The following GRIN3B variants were observed in gnomAD, a reference collection of about 807,000 sequenced individuals.
The protein encoded by GRIN3B is glutamate receptor ionotropic, NMDA 3B.
GRIN3B carries 77 observed loss-of-function variants against 66.0 expected under a neutral mutation model. The observed-to-expected ratio is 1.17, with a 90% CI of 0.97 to 1.41. The LOEUF (loss-of-function observed/expected upper bound fraction) is 1.41. GRIN3B is among the 40% of genes most tolerant of loss of function. The probability of loss-of-function intolerance (pLI) is 0.00; values close to 1 mark genes in which losing one functional copy is unlikely to be tolerated. For synonymous variants in GRIN3B, 823 were observed against 749.7 expected, an observed-to-expected ratio of 1.10 and a Z score of -1.60; for missense variants, 1,787 against 1,564.5, an observed-to-expected ratio of 1.14 and a Z score of -2.40.
chr19:1,005,575 C>T lies in GRIN3B; in HGVS notation c.2052+22C>T, dbSNP rs968833344. The stretch of plus-strand genomic sequence containing the variant: ...CAAGGTGGGCGGCCTCGGGGGGCTG[C>T]GGGTGGCCTTGGGGGGCTAGCGGTG... On this transcript the variant is annotated intron_variant, in intron 3 of 8. Transcript: ENST00000234389. This position sits in a 1 kb window ranked among gnomAD's most constrained non-coding sequence, Gnocchi z 5.2. 13 of 1,533,224 alleles carry T rather than the reference C, an allele frequency of 8.5e-6. No individual in the cohort carries two copies. Among genetic ancestry groups the T allele is most frequent in the South Asian group, 2.5e-5 (2 of 80,656 alleles). 95.0% of individuals were successfully genotyped at this position (1,533,224 alleles called of 1,614,324 possible).
rs1384870333 is a variant in GRIN3B, at chr19:1,008,868, C to T, written c.2643C>T (p.Arg881=). 5.6e-6 allele frequency: 9 copies of T among 1,609,348 alleles called. No individual in the cohort carries two copies. The highest frequency in any genetic ancestry group is 7.6e-6 in the Non-Finnish European group (9 of 1,178,238). ...YWLHTSQKIH[R]ALNTEPPEGS... ...GTCTGGGGTCTTAGAAAATCCACCG[C>T]GCCCTCAACACGGAGCCACCAGAGG... Residue 881 remains arginine (R), a synonymous_variant, in exon 8 of 9, where the codon CGC becomes CGT. Transcript: ENST00000234389.
intron 2 of GRIN3B, among the ~76,000 whole-genome samples, chr19:1,004,220 TG>T (rs2038714667): frequency 6.6e-6 from 1 of 152,214 alleles, no homozygotes; most frequent in Non-Finnish European, 1.5e-5. Flanking sequence ...GGCTGAGCCC[TG>T]GAGGAGTTCC....
chr19:1,004,701 T>C lies in GRIN3B; in HGVS notation c.1200T>C (p.Gly400=), dbSNP rs1282119515. 6.2e-7 allele frequency: 1 copy of C among 1,600,810 alleles called. No homozygotes were observed. The highest frequency in any genetic ancestry group is 8.5e-7 in the Non-Finnish European group (1 of 1,173,584). ...RDGQLDLEPG[G]ASARPPPPQG... ...GCCAGCTGGACTTGGAACCGGGAGG[T>C]GCCTCTGCACGGCCCCCGCCCCCAC... Residue 400 remains glycine, a synonymous_variant, in exon 3 of 9, where the codon GGT becomes GGC. Transcript: ENST00000234389.
Position 1,003,736 on chromosome 19 carries a change from C to G in GRIN3B, c.1019+14C>G, listed in dbSNP as rs563512337. The G allele has an allele frequency of 3.9e-5, 55 of 1,395,692 alleles. No individual in the cohort carries two copies. In the African/African-American group the frequency reaches 5.7e-4, roughly 14 times the overall value. The allele number at this position is 1,395,692 out of a possible 1,614,324, so 86.5% of individuals were successfully genotyped here. A position where few individuals can be genotyped will look rare whatever the true frequency, so the allele number is the denominator to read the frequency against. On this transcript the variant is annotated intron_variant, in intron 2 of 8. Transcript: ENST00000234389. ...CTTCTTGGCACGGTGAGTGGGGACC[C>G]TGCTTCCCTTAGGAGGGTGTCCAGG...
rs1029951428 is a variant in GRIN3B, at chr19:1,008,940, C to T, written c.2702+13C>T. ...AGGCGGAGCCCAGGTAAGTGGTGGT[C>T]GGGGCGGACCACGATGCAGGACCAC... On this transcript the variant is annotated intron_variant, in intron 8 of 8. Transcript: ENST00000234389. 2 of 1,596,904 alleles carry T rather than the reference C, an allele frequency of 1.3e-6. No individual in the cohort carries two copies. Among genetic ancestry groups the T allele is most frequent in the South Asian group, 1.1e-5 (1 of 88,828 alleles).
Position 1,000,557 on chromosome 19 carries a change from C to G in GRIN3B, c.120C>G (p.Gly40=). Residue 40 remains glycine (G), a synonymous_variant, in exon 1 of 9, where the codon GGC becomes GGG. Transcript: ENST00000234389. ...LARLGGSVRL[G]ALLPRAPLAR... is the part of the protein sequence containing the mutation. ...GCCTCGGGGGCTCCGTGCGCCTGGG[C>G]GCCCTCCTGCCCCGCGCGCCTCTCG... is the stretch of plus-strand genomic sequence containing the variant. 1 of 1,100,060 alleles carries G rather than the reference C, an allele frequency of 9.1e-7. No individual in the cohort carries two copies. Among genetic ancestry groups the G allele is most frequent in the African/African-American group, 1.7e-5 (1 of 59,740 alleles). The allele number at this position is 1,100,060 out of a possible 1,614,324, so 68.1% of individuals were successfully genotyped here. A position where few individuals can be genotyped will look rare whatever the true frequency, so the allele number is the denominator to read the frequency against.
intron 5 of GRIN3B, 70 bp downstream of exon 5, chr19:1,008,041 G>A (rs994085463): frequency 3.2e-5 from 50 of 1,583,546 alleles, no homozygotes; most frequent in East Asian, 2.3e-5. Context: ...GGGGAGCCAC[G>A]GAGGGTTCGA....
Position 1,009,357 on chromosome 19 carries a change from C to G in GRIN3B, c.2887C>G (p.Leu963Val). 1 of 1,386,610 alleles carries G rather than the reference C, an allele frequency of 7.2e-7. No individual in the cohort carries two copies. Among genetic ancestry groups the G allele is most frequent in the Non-Finnish European group, 9.3e-7 (1 of 1,079,656 alleles). 85.9% of individuals were successfully genotyped at this position (1,386,610 alleles called of 1,614,324 possible). The change falls in exon 9 of 9, where the codon CTG becomes GTG. Residue 963 changes from leucine to valine, a missense_variant. Transcript: ENST00000234389. ...EAAPREGPVW[L>V]CSYGRPPAAR... The stretch of plus-strand genomic sequence containing the variant: ...TGCGCCGCGAGAGGGCCCCGTCTGG[C>G]TGTGCTCCTACGGCCGCCCGCCCGC...
Position 1,005,310 on chromosome 19 carries a change from C to T in GRIN3B, c.1809C>T (p.Leu603=), listed in dbSNP as rs146476604. The T allele has an allele frequency of 1.5e-5, 25 of 1,613,516 alleles. No homozygotes were observed. The highest frequency in any genetic ancestry group is 1.9e-5 in the Non-Finnish European group (23 of 1,179,988). The change falls in exon 3 of 9, where the codon CTC becomes CTT. Residue 603 remains leucine, a synonymous_variant. Coordinates refer to ENST00000234389, the MANE Select transcript of GRIN3B (RefSeq NM_138690.3). This position sits in a 1 kb window ranked among gnomAD's most constrained non-coding sequence, Gnocchi z 5.2. ...TVYEWRSPYG[L]TPRGRNRSTV... is the part of the protein sequence containing the mutation. ...ACGAGTGGCGTAGCCCCTACGGCCTCACGCCACGTGGCCGCAACCGCAGCA... is the reference window on the plus strand; with the variant it reads ...ACGAGTGGCGTAGCCCCTACGGCCTTACGCCACGTGGCCGCAACCGCAGCA...
rs766462383 is a variant in GRIN3B at position 1,008,930 on chromosome 19, A to G, written c.2702+3A>G. The G allele has an allele frequency of 6.2e-7, 1 of 1,605,250 alleles. No individual in the cohort carries two copies. Among genetic ancestry groups the G allele is most frequent in the East Asian group, 2.2e-5 (1 of 44,488 alleles). ...GAGACGGCAGAGGCGGAGCCCAGGT[A>G]AGTGGTGGTCGGGGCGGACCACGAT... is the stretch of plus-strand genomic sequence containing the variant. On this transcript the variant is annotated splice_donor_region_variant and intron_variant, in intron 8 of 8. Coordinates refer to ENST00000234389, the MANE Select transcript of GRIN3B (RefSeq NM_138690.3).
intron 6 of GRIN3B, 126 bp downstream of exon 6, chr19:1,008,417 T>C: frequency 9.4e-7 from 1 of 1,066,904 alleles, no homozygotes; most frequent in Non-Finnish European, 1.4e-6. Flanking sequence ...TGCGCACTTC[T>C]ATTCACCCTA....
rs2038758593 is a variant in GRIN3B at position 1,007,147 on chromosome 19, T to C, written c.2053-481T>C. On this transcript the variant is annotated intron_variant, in intron 3 of 8. Transcript: ENST00000234389. This position sits in a 1 kb window ranked among gnomAD's most constrained non-coding sequence, Gnocchi z 4.4. ...GGGGTGAGCAGTGGGCAGTTCCCTG[T>C]GTTGCAGGTGGCGCCCCCCAGGGTT... 1.3e-5 allele frequency among the ~76,000 whole-genome samples: 2 copies of C among 152,092 alleles called. No homozygotes were observed. The highest frequency in any genetic ancestry group is 3.9e-4 in the East Asian group (2 of 5,154).
rs540348423 is a variant in GRIN3B, at chr19:1,005,324, G to A, written c.1823G>A (p.Arg608His). 70 of 1,613,726 alleles carry A rather than the reference G, an allele frequency of 4.3e-5. No individual in the cohort carries two copies. The Admixed American group carries it at 9.2e-4, about 21-fold the overall frequency. The change falls in exon 3 of 9, where the codon CGC becomes CAC. Residue 608 changes from arginine (R) to histidine (H), a missense_variant. Physicochemically the swap from Arg to His is conservative, Grantham distance 29. Transcript: ENST00000234389. This position sits in a 1 kb window ranked among gnomAD's most constrained non-coding sequence, Gnocchi z 5.2. The stretch of plus-strand genomic sequence containing the variant: ...CCCTACGGCCTCACGCCACGTGGCC[G>A]CAACCGCAGCACCGTCTTCTCCTAC... Reference protein sequence around the residue: ...RSPYGLTPRGRNRSTVFSYSS... With the variant: ...RSPYGLTPRGHNRSTVFSYSS...
At position 1,000,875 on chromosome 19, in the gene GRIN3B, G is replaced by C. The variant is rs2038678423; in HGVS notation, c.426+12G>C. 7 of 1,395,388 alleles carry C rather than the reference G, an allele frequency of 5.0e-6. No homozygotes were observed. In the African/African-American group the frequency reaches 6.0e-5, roughly 12 times the overall value. The allele number at this position is 1,395,388 out of a possible 1,614,324, so 86.4% of individuals were successfully genotyped here. Reference sequence around the variant, plus strand: ...CCCTCGGAGCCCCGGTACGCGGGACGCCCGGAGTCAGGACGAGGGGGACCC... The same window carrying C: ...CCCTCGGAGCCCCGGTACGCGGGACCCCCGGAGTCAGGACGAGGGGGACCC... On this transcript the variant is annotated intron_variant, in intron 1 of 8. Coordinates refer to ENST00000234389, the MANE Select transcript of GRIN3B (RefSeq NM_138690.3).
At chr19:1,001,777 C>A (rs1030923668) in intron 1 of GRIN3B, among the ~76,000 whole-genome samples, 2 of 152,144 alleles carry the variant, frequency 1.3e-5, no homozygotes, top group African/African-American at 4.8e-5. Flanking sequence ...GACCCCTGTC[C>A]CCCCACCGCC....
rs1171280401 is a variant in GRIN3B, at chr19:1,007,789, G to A, written c.2198+16G>A. 4.6e-6 allele frequency: 7 copies of A among 1,510,908 alleles called. No homozygotes were observed. The highest frequency in any genetic ancestry group is 4.1e-4 in the Middle Eastern group (2 of 4,882). 93.6% of individuals were successfully genotyped at this position (1,510,908 alleles called of 1,614,324 possible). On this transcript the variant is annotated intron_variant, in intron 4 of 8. Coordinates refer to ENST00000234389, the MANE Select transcript of GRIN3B (RefSeq NM_138690.3). The surrounding 1 kb of genome is among the most constrained non-coding windows in gnomAD (Gnocchi z 4.4). Reference sequence around the variant, plus strand: ...CCATGCTCACGTGAGCCCGGGCGCGGGGTGAGGCGGGGGCGGGGCGTGGGG... The same window carrying A: ...CCATGCTCACGTGAGCCCGGGCGCGAGGTGAGGCGGGGGCGGGGCGTGGGG...
Position 1,001,000 on chromosome 19 carries a change from C to G in GRIN3B, c.426+137C>G, listed in dbSNP as rs1046051482. ...GGGATCCCGGGACGCTGGACGGGCCCCAGGGATCAGGGATGGGGAAGACCC... is the reference window on the plus strand; with the variant it reads ...GGGATCCCGGGACGCTGGACGGGCCGCAGGGATCAGGGATGGGGAAGACCC... On this transcript the variant is annotated intron_variant, in intron 1 of 8. Transcript: ENST00000234389. The G allele has an allele frequency of 1.4e-5, 14 of 1,034,764 alleles. No homozygotes were observed. In the South Asian group the frequency reaches 3.2e-4, roughly 24 times the overall value. 64.1% of individuals were successfully genotyped at this position (1,034,764 alleles called of 1,614,324 possible).
intron 2 of GRIN3B, among the ~76,000 whole-genome samples, 174 bp from the exon 3 acceptor site, chr19:1,004,347 C>T (rs549410973): frequency 1.3e-5 from 2 of 152,224 alleles, no homozygotes; most frequent in Non-Finnish European, 2.9e-5. Context: ...ACGGATGCCC[C>T]GGGATCAAGG....
Position 1,008,619 on chromosome 19 carries a change from C to G in GRIN3B, c.2468C>G (p.Thr823Ser), listed in dbSNP as rs766297511. ...CGKRVFAVTETLQMSIYHFAG... is the reference protein window; with the variant it reads ...CGKRVFAVTESLQMSIYHFAG... The stretch of plus-strand genomic sequence containing the variant: ...GGGCTCCTGCTGTGTTGCCCCCAGA[C>G]CCTGCAGATGAGCATCTACCACTTC... The change falls in exon 7 of 9, where the codon ACC becomes AGC. Residue 823 changes from threonine (T) to serine (S), a missense_variant and splice_region_variant. Thr to Ser is a moderately conservative substitution (Grantham distance 58). Coordinates refer to ENST00000234389, the MANE Select transcript of GRIN3B (RefSeq NM_138690.3). 3.1e-6 allele frequency: 5 copies of G among 1,597,164 alleles called. No individual in the cohort carries two copies. Among genetic ancestry groups the G allele is most frequent in the Middle Eastern group, 1.7e-4 (1 of 5,900 alleles).
Sources: allele counts gnomAD v4.1 joint callset (sites outside exome capture counted in the v4.1 genomes callset), GRCh38; gene constraint gnomAD v4.1.1; non-coding constraint Gnocchi (gnomAD v3.1); transcripts MANE v1.5; gene names NCBI Gene and HGNC (gene_info 2026-07-23, HGNC 2026-07-21).